The following CDIN1 variants were observed in gnomAD, a reference collection of about 807,000 sequenced individuals.
The protein encoded by CDIN1 is CDAN1 interacting nuclease 1, also known as CDAN1-interacting nuclease 1.
CDIN1 carries 33 observed loss-of-function variants against 45.3 expected under a neutral mutation model. The ratio of observed to expected loss-of-function variants is 0.73; its 90% CI spans 0.55 to 0.97. The LOEUF is 0.97. Among genes scored for constraint, CDIN1 ranks in the 50% least tolerant of loss-of-function variants. The pLI, the probability that CDIN1 is intolerant of heterozygous loss-of-function variation, is 0.00. For missense variants in CDIN1, 303 were observed against 339.4 expected (o/e 0.89, Z 0.84); for synonymous variants, 118 against 124.4 (o/e 0.95, Z 0.34).
intron 10 of CDIN1, among the ~76,000 whole-genome samples, chr15:36,806,441 C>T (rs1275821035): frequency 6.6e-6 from 1 of 152,232 alleles, no homozygotes; most frequent in East Asian, 1.9e-4. Flanking sequence ...TCCATATATT[C>T]TTTTGTTCTT....
At chr15:36,705,559 G>C (rs1228931886) in intron 8 of CDIN1, 1 of 152,128 alleles carries the variant, frequency 6.6e-6, no homozygotes, top group Non-Finnish European at 1.5e-5. Flanking sequence ...CAGTTATATT[G>C]TGTATAAATT....
intron 1 of CDIN1, among the ~76,000 whole-genome samples, chr15:36,612,023 C>T (rs2038673453): frequency 6.6e-6 from 1 of 152,188 alleles, no homozygotes; most frequent in African/African-American, 2.4e-5. Context: ...GTGCTGTTCC[C>T]ATGATAGAAA....
At chr15:36,634,447 T>G (rs2039812746) in intron 1 of CDIN1, among the ~76,000 whole-genome samples, 1 of 152,166 alleles carries the variant, frequency 6.6e-6, no homozygotes, top group Non-Finnish European at 1.5e-5. Flanking sequence ...CAAAAAGTTT[T>G]ATATATTTTT....
At position 36,757,591 on chromosome 15, in the gene CDIN1, GCAGCCCGCTCCAT is replaced by G. The variant is rs536228840; in HGVS notation, c.716+47632_716+47644del. 1.1e-4 allele frequency among the ~76,000 whole-genome samples: 16 copies of G among 152,248 alleles called. No homozygotes were observed. The South Asian group carries it at 2.9e-3, about 28-fold the overall frequency. On this transcript the variant is annotated intron_variant, in intron 10 of 10. Transcript: ENST00000566621. ...CTGAGGAGCGTGATGAAACCTCACA[GCAGCCCGCTCCAT>G]CCTGCCCACTCATGAGTCATCCCCT...
chr15:36,618,850 A>G (rs1217594939), intron 1 of CDIN1: 2 of 874,880 alleles, frequency 2.3e-6, no homozygotes, highest in Non-Finnish European at 3.9e-6. Flanking sequence ...TTTCTCCTCC[A>G]AGTACTACAA....
chr15:36,785,072 C>T (rs9944242), intron 10 of CDIN1, among the ~76,000 whole-genome samples: 11,233 of 152,104 alleles, frequency 0.074, 1,425 homozygotes, highest in African/African-American at 0.26. Context: ...GTTTAGTGTA[C>T]ACGTACAGAG....
At chr15:36,755,000 T>G (rs1282521163) in intron 10 of CDIN1, among the ~76,000 whole-genome samples, 1 of 152,206 alleles carries the variant, frequency 6.6e-6, no homozygotes, top group African/African-American at 2.4e-5. Flanking sequence ...ATATTAGTAG[T>G]GTGTGTTTTG....
chr15:36,749,075 C>G (rs544858660), intron 10 of CDIN1, among the ~76,000 whole-genome samples: 1 of 152,262 alleles, frequency 6.6e-6, no homozygotes, highest in African/African-American at 2.4e-5. Flanking sequence ...CATAAACACT[C>G]ACTCGTATCG....
chr15:36,757,339 T>C (rs532425086), intron 10 of CDIN1, among the ~76,000 whole-genome samples: 4 of 152,284 alleles, frequency 2.6e-5, no homozygotes, highest in Admixed American at 2.6e-4. Context: ...AGCCCTTACA[T>C]GAGGGTAGTA....
rs1388151290 is a variant in CDIN1 at position 36,620,305 on chromosome 15, G to T, written c.102-23973G>T. On this transcript the variant is annotated intron_variant, in intron 1 of 10. Coordinates refer to ENST00000566621, the MANE Select transcript of CDIN1 (RefSeq NM_001321759.2). ...GGCGGAGCTTGCAGTGAGCCGAGAT[G>T]GCGCCACCGCACTCCAGCCTGGGCG... 7.9e-5 allele frequency among the ~76,000 whole-genome samples: 12 copies of T among 152,014 alleles called. No individual in the cohort carries two copies. The East Asian group carries it at 1.6e-3, about 20-fold the overall frequency.
chr15:36,697,403 C>G lies in CDIN1; in HGVS notation c.544+13C>G. 2 of 1,596,048 alleles carry G rather than the reference C, an allele frequency of 1.3e-6. No homozygotes were observed. Among genetic ancestry groups the G allele is most frequent in the Middle Eastern group, 1.7e-4 (1 of 6,006 alleles). On this transcript the variant is annotated intron_variant, in intron 8 of 10. Transcript: ENST00000566621. ...CTGTCCTTCCTAGGTAAGTATTATT[C>G]ACATCTTCTCTAGCTTGTGTTGTCT...
At chr15:36,658,308 G>T (rs2040859740) in intron 5 of CDIN1, 1 of 154,206 alleles carries the variant, frequency 6.5e-6, no homozygotes, top group African/African-American at 2.4e-5. Context: ...AATTCCACTG[G>T]TCTTCCTACA....
At chr15:36,633,971 C>T (rs371116056) in intron 1 of CDIN1, among the ~76,000 whole-genome samples, 1 of 151,966 alleles carries the variant, frequency 6.6e-6, no homozygotes, top group Non-Finnish European at 1.5e-5. Flanking sequence ...AGGCTGGTCT[C>T]GAACTCTGGG....
intron 10 of CDIN1, among the ~76,000 whole-genome samples, chr15:36,746,015 A>C (rs1197649797): frequency 6.6e-6 from 1 of 152,206 alleles, no homozygotes; most frequent in East Asian, 1.9e-4. Context: ...CATAGGACAC[A>C]GAAATATATA....
At chr15:36,791,472 T>C (rs1279106301) in intron 10 of CDIN1, among the ~76,000 whole-genome samples, 1 of 152,238 alleles carries the variant, frequency 6.6e-6, no homozygotes, top group Non-Finnish European at 1.5e-5. Context: ...CCATTTTGTT[T>C]CTGAACTCCT....
chr15:36,644,294 C>G lies in CDIN1; in HGVS notation c.118C>G (p.Leu40Val), dbSNP rs375126028. ...QRFPSQSQAT[L>V]LSIFSQEYQK... ...TTGTTCCAGTCAATCGCAGGCCACT[C>G]TGCTGAGCATCTTCTCCCAGGAGTA... is the stretch of plus-strand genomic sequence containing the variant. Residue 40 changes from leucine to valine, a missense_variant, in exon 2 of 11, where the codon CTG (leucine) becomes GTG (valine). Physicochemically the swap from Leu to Val is conservative, Grantham distance 32. Coordinates refer to ENST00000566621, the MANE Select transcript of CDIN1 (RefSeq NM_001321759.2). 6.2e-7 allele frequency: 1 copy of G among 1,613,674 alleles called. No individual in the cohort carries two copies. The highest frequency in any genetic ancestry group is 1.3e-5 in the African/African-American group (1 of 74,924).
In CDIN1 at chr15:36,809,947, T is replaced by G. The variant is rs1394583402; in HGVS notation, c.*1494T>G. 6.6e-6 allele frequency: 1 copy of G among 151,990 alleles called. No individual in the cohort carries two copies. Among genetic ancestry groups the G allele is most frequent in the Non-Finnish European group, 1.5e-5 (1 of 67,994 alleles). 9.4% of individuals were successfully genotyped at this position (151,990 alleles called of 1,614,324 possible). A position where few individuals can be genotyped will look rare whatever the true frequency, so the allele number is the denominator to read the frequency against. On this transcript the variant is annotated 3_prime_UTR_variant, in exon 11 of 11. Transcript: ENST00000566621. ...CAGAAGATGAAATGCTAAAGAAGGG[T>G]CAGGCAAACTTCTGTTTCAGTATAA... is the stretch of plus-strand genomic sequence containing the variant.
At chr15:36,726,394 T>C (rs1350722876) in intron 10 of CDIN1, among the ~76,000 whole-genome samples, 2 of 152,180 alleles carry the variant, frequency 1.3e-5, no homozygotes, top group Non-Finnish European at 2.9e-5. Context: ...TGGTGTGCTA[T>C]GAGAACTGAC....
Position 36,808,649 on chromosome 15 carries a change from G to C in CDIN1, c.*196G>C. ...CCTTCATCCCTTGCTGATGTGAACAGCCAAGAACTACAGACACAACCCACT... is the reference window on the plus strand; with the variant it reads ...CCTTCATCCCTTGCTGATGTGAACACCCAAGAACTACAGACACAACCCACT... On this transcript the variant is annotated 3_prime_UTR_variant, in exon 11 of 11. Coordinates refer to ENST00000566621, the MANE Select transcript of CDIN1 (RefSeq NM_001321759.2). 1.5e-6 allele frequency: 1 copy of C among 683,622 alleles called. No homozygotes were observed. Among genetic ancestry groups the C allele is most frequent in the Non-Finnish European group, 2.4e-6 (1 of 415,446 alleles). The allele number at this position is 683,622 out of a possible 1,614,324, so 42.3% of individuals were successfully genotyped here.
Sources: allele counts gnomAD v4.1 joint callset (sites outside exome capture counted in the v4.1 genomes callset), GRCh38; gene constraint gnomAD v4.1.1; transcripts MANE v1.5; gene names NCBI Gene and HGNC (gene_info 2026-07-23, HGNC 2026-07-21).